The following MYL12B variants were observed in gnomAD, a reference collection of about 807,000 sequenced individuals.
The protein encoded by MYL12B is myosin light chain 12B.
In MYL12B, 3 loss-of-function variants were observed where a neutral mutation model predicts 12.9. The observed-to-expected ratio is 0.23, with a 90% CI of 0.11 to 0.60. The LOEUF (loss-of-function observed/expected upper bound fraction) is 0.60, where lower values mean the gene tolerates loss of function less well. MYL12B is among the 20% of genes least tolerant of loss of function. The pLI, the probability that MYL12B is intolerant of heterozygous loss-of-function variation, is 0.89. For synonymous variants in MYL12B, 57 were observed against 71.9 expected (o/e 0.79, Z 1.05); for missense variants, 120 against 215.4 (o/e 0.56, Z 2.77).
intron 1 of MYL12B, among the ~76,000 whole-genome samples, chr18:3,268,839 T>C (rs2081654736): frequency 6.6e-6 from 1 of 152,236 alleles, no homozygotes; most frequent in South Asian, 2.1e-4. Context: ...GATTATTTAA[T>C]ATCTTTGACC....
rs1486690989 is a variant in MYL12B at position 3,273,008 on chromosome 18, C to T, written c.110C>T (p.Ala37Val). Residue 37 changes from alanine (A) to valine (V), a missense_variant, in exon 2 of 4, where the codon GCC (alanine) becomes GTC (valine). Ala to Val is a moderately conservative substitution (Grantham distance 64). Transcript: ENST00000237500. ...DQSQIQEFKE[A>V]FNMIDQNRDG... ...TCACAGATTCAGGAGTTCAAAGAGG[C>T]CTTCAACATGATTGATCAGAACAGA... The T allele has an allele frequency of 1.2e-6, 2 of 1,612,810 alleles. No homozygotes were observed. Among genetic ancestry groups the T allele is most frequent in the Non-Finnish European group, 1.7e-6 (2 of 1,179,608 alleles).
At chr18:3,277,163 T>G (rs2081739304) in intron 2 of MYL12B, 90 bp from the exon 3 acceptor site, 1 of 1,308,818 alleles carries the variant, frequency 7.6e-7, no homozygotes, top group South Asian at 2.1e-5. Flanking sequence ...ATGTACATTT[T>G]AAAAATATGT....
intron 1 of MYL12B, among the ~76,000 whole-genome samples, chr18:3,268,029 T>C (rs1201491762): frequency 1.3e-5 from 2 of 152,266 alleles, no homozygotes; most frequent in Non-Finnish European, 2.9e-5. Flanking sequence ...TCCAAATAAA[T>C]GAACAATTGA....
Position 3,278,033 on chromosome 18 carries a change from TAG to T in MYL12B, c.*97_*98del. ...CTCATAGAACCTGTTGCATGCAACT[TAG>T]TTTCACAGCTTTGCCTCTTCTTTTT... is the stretch of plus-strand genomic sequence containing the variant. On this transcript the variant is annotated 3_prime_UTR_variant, in exon 4 of 4. Transcript: ENST00000237500. 1 of 1,439,932 alleles carries T rather than the reference TAG, an allele frequency of 6.9e-7. No homozygotes were observed. The highest frequency in any genetic ancestry group is 9.4e-7 in the Non-Finnish European group (1 of 1,064,908). The allele number at this position is 1,439,932 out of a possible 1,614,324, so 89.2% of individuals were successfully genotyped here.
intron 2 of MYL12B, among the ~76,000 whole-genome samples, chr18:3,274,127 A>T (rs2081708230): frequency 6.6e-6 from 1 of 152,076 alleles, no homozygotes; most frequent in Non-Finnish European, 1.5e-5. Context: ...TTTTTATCTG[A>T]TTTGTTGACT....
At chr18:3,264,619 A>G (rs2081622753) in intron 1 of MYL12B, among the ~76,000 whole-genome samples, 1 of 152,194 alleles carries the variant, frequency 6.6e-6, no homozygotes, top group African/African-American at 2.4e-5. Context: ...CTGAGTCAGG[A>G]GGATCACTTG....
intron 1 of MYL12B, among the ~76,000 whole-genome samples, chr18:3,272,560 C>A (rs985946608): frequency 6.6e-6 from 1 of 152,198 alleles, no homozygotes; most frequent in Non-Finnish European, 1.5e-5. Context: ...ATGGGAGTCT[C>A]ACTATGTTGC....
intron 1 of MYL12B, among the ~76,000 whole-genome samples, chr18:3,267,326 G>C (rs1372929218): frequency 6.6e-6 from 1 of 152,164 alleles, no homozygotes; most frequent in African/African-American, 2.4e-5. Context: ...GGAAATCATA[G>C]GTAGCTGACA....
intron 1 of MYL12B, among the ~76,000 whole-genome samples, chr18:3,263,812 C>T (rs571392974): frequency 2.1e-4 from 32 of 152,312 alleles, no homozygotes; most frequent in Non-Finnish European, 4.1e-4. Flanking sequence ...TAGAGAATTT[C>T]AGCTGCCTGT....
chr18:3,276,414 A>G (rs1482191622), intron 2 of MYL12B: 1 of 984,366 alleles, frequency 1.0e-6, no homozygotes, highest in Non-Finnish European at 1.2e-6. Context: ...CTCCTAGGGA[A>G]AGGTCAGGGG....
rs760732551 is a variant in MYL12B, at chr18:3,272,866, G to GT, written c.-15-8dup. 75 of 1,514,674 alleles carry GT rather than the reference G, an allele frequency of 5.0e-5. No individual in the cohort carries two copies. Among genetic ancestry groups the GT allele is most frequent in the Admixed American group, 3.0e-4 (14 of 46,918 alleles). 93.8% of individuals were successfully genotyped at this position (1,514,674 alleles called of 1,614,324 possible). On this transcript the variant is annotated splice_polypyrimidine_tract_variant and intron_variant, in intron 1 of 3. Transcript: ENST00000237500. The stretch of plus-strand genomic sequence containing the variant: ...ACATTGTTTTGTTTTACGTTTTTGT[G>GT]TTTTTTTTTTAATCCAGAATTAAAC...
intron 1 of MYL12B, among the ~76,000 whole-genome samples, chr18:3,270,175 A>G (rs2081665840): frequency 6.6e-6 from 1 of 152,134 alleles, no homozygotes; most frequent in South Asian, 2.1e-4. Context: ...AGGGAAGGAG[A>G]GAGGGTGGTA....
In MYL12B at chr18:3,278,156, A is replaced by T. The variant is rs755065833; in HGVS notation, c.*219A>T. 4 of 411,736 alleles carry T rather than the reference A, an allele frequency of 9.7e-6. No homozygotes were observed. Among genetic ancestry groups the T allele is most frequent in the Non-Finnish European group, 1.7e-5 (4 of 236,230 alleles). The allele number at this position is 411,736 out of a possible 1,614,324, so 25.5% of individuals were successfully genotyped here. On this transcript the variant is annotated 3_prime_UTR_variant, in exon 4 of 4. Transcript: ENST00000237500. Reference sequence around the variant, plus strand: ...TAAATTGTATTGAAAAAGATCGCGAATAAAAATCAACAAATGTGAAAGCCC... The same window carrying T: ...TAAATTGTATTGAAAAAGATCGCGATTAAAAATCAACAAATGTGAAAGCCC...
At position 3,272,992 on chromosome 18, in the gene MYL12B, C is replaced by T; in HGVS notation, c.94C>T (p.Gln32Ter). Residue 32 changes from glutamine (Q) to a stop codon, truncating the protein, a stop_gained, in exon 2 of 4, where the codon CAG becomes TAG. Coordinates refer to ENST00000237500, the MANE Select transcript of MYL12B (RefSeq NM_033546.4). LOFTEE classifies it high-confidence loss of function. Reference protein sequence around the residue: ...VFAMFDQSQIQEFKEAFNMID... With the variant: ...VFAMFDQSQI Reference sequence around the variant, plus strand: ...TGCCATGTTTGACCAGTCACAGATTCAGGAGTTCAAAGAGGCCTTCAACAT... The same window carrying T: ...TGCCATGTTTGACCAGTCACAGATTTAGGAGTTCAAAGAGGCCTTCAACAT... 1.9e-6 allele frequency: 3 copies of T among 1,612,922 alleles called. No homozygotes were observed. The highest frequency in any genetic ancestry group is 2.5e-6 in the Non-Finnish European group (3 of 1,179,688).
chr18:3,266,640 T>C (rs1459001893), intron 1 of MYL12B, among the ~76,000 whole-genome samples: 27 of 152,226 alleles, frequency 1.8e-4, no homozygotes, highest in Non-Finnish European at 2.8e-4. Flanking sequence ...TGAACACTTA[T>C]GGCCTGCAGG....
chr18:3,265,864 G>A (rs112852213), intron 1 of MYL12B, among the ~76,000 whole-genome samples: 2,732 of 152,214 alleles, frequency 0.018, 88 homozygotes, highest in African/African-American at 0.059. Flanking sequence ...GTGCAGTAAA[G>A]AGAAGAACCT....
intron 1 of MYL12B, among the ~76,000 whole-genome samples, chr18:3,267,438 T>C (rs1028086779): frequency 6.6e-6 from 1 of 152,268 alleles, no homozygotes; most frequent in Non-Finnish European, 1.5e-5. Flanking sequence ...TCCATGTTTC[T>C]GTTTGCATAT....
At chr18:3,272,080 T>C in intron 1 of MYL12B, 1 of 985,180 alleles carries the variant, frequency 1.0e-6, no homozygotes, top group African/African-American at 1.7e-5. Context: ...AGACTGGTAT[T>C]CTGAAAGTCT....
In MYL12B at chr18:3,272,953, A is replaced by G. The variant is rs770046423; in HGVS notation, c.55A>G (p.Thr19Ala). 1 of 1,613,074 alleles carries G rather than the reference A, an allele frequency of 6.2e-7. No individual in the cohort carries two copies. Among genetic ancestry groups the G allele is most frequent in the Non-Finnish European group, 8.5e-7 (1 of 1,179,674 alleles). ...CACCAAGAAGCGCCCTCAGCGTGCA[A>G]CATCCAATGTGTTTGCCATGTTTGA... ...KTTKKRPQRATSNVFAMFDQS... is the reference protein window; with the variant it reads ...KTTKKRPQRAASNVFAMFDQS... The change falls in exon 2 of 4, where the codon ACA becomes GCA. Residue 19 changes from threonine (T) to alanine (A), a missense_variant. Transcript: ENST00000237500.
Sources: allele counts gnomAD v4.1 joint callset (sites outside exome capture counted in the v4.1 genomes callset), GRCh38; gene constraint gnomAD v4.1.1; transcripts MANE v1.5; gene names NCBI Gene and HGNC (gene_info 2026-07-23, HGNC 2026-07-21).